The following RFX7 variants were observed in gnomAD, a reference collection of about 807,000 sequenced individuals.
RFX7 encodes the protein DNA-binding protein RFX7.
In RFX7, 26 loss-of-function variants were observed where a neutral mutation model predicts 111.8. That is an observed-to-expected ratio of 0.23 (90% CI 0.17 to 0.32). The LOEUF (loss-of-function observed/expected upper bound fraction) is 0.32. Ranked by LOEUF, RFX7 falls within the 10% of genes least tolerant of loss-of-function variation. RFX7 has a pLI of 1.00. For synonymous variants in RFX7, 624 were observed against 624.4 expected, an observed-to-expected ratio of 1.00 and a Z score of 0.01; for missense variants, 1,573 against 1,772.9, an observed-to-expected ratio of 0.89 and a Z score of 2.02.
At chr15:56,212,909 T>A (rs1456338823) in intron 2 of RFX7, among the ~76,000 whole-genome samples, 1 of 152,048 alleles carries the variant, frequency 6.6e-6, no homozygotes, top group African/African-American at 2.4e-5. Flanking sequence ...AAACAACACA[T>A]GAAAAGATAT....
intron 2 of RFX7, among the ~76,000 whole-genome samples, chr15:56,224,589 C>T (rs763177646): frequency 7.9e-5 from 12 of 151,716 alleles, no homozygotes; most frequent in African/African-American, 1.9e-4. Flanking sequence ...TACATGAAGT[C>T]GTTAAACATT....
At chr15:56,143,769 T>C (rs2042433018) in intron 4 of RFX7, among the ~76,000 whole-genome samples, 1 of 152,206 alleles carries the variant, frequency 6.6e-6, no homozygotes, top group South Asian at 2.1e-4. Context: ...GCATTTCATT[T>C]ATTTCTATAT....
At chr15:56,188,225 G>A (rs2043062395) in intron 2 of RFX7, among the ~76,000 whole-genome samples, 1 of 152,224 alleles carries the variant, frequency 6.6e-6, no homozygotes, top group African/African-American at 2.4e-5. Context: ...CAGAAAAAGG[G>A]TCACTTAACT....
intron 5 of RFX7, among the ~76,000 whole-genome samples, chr15:56,119,493 C>T (rs2042048037): frequency 1.3e-5 from 2 of 152,024 alleles, no homozygotes. Context: ...AATGAGTTCA[C>T]TGGCTGGGTG....
At chr15:56,104,874 G>C (rs2041809409) in intron 5 of RFX7, among the ~76,000 whole-genome samples, 2 of 152,114 alleles carry the variant, frequency 1.3e-5, no homozygotes, top group East Asian at 3.8e-4. Context: ...GAACTAATGC[G>C]TACTGAAAGT....
At chr15:56,168,029 T>C (rs2042803164) in intron 3 of RFX7, among the ~76,000 whole-genome samples, 1 of 152,232 alleles carries the variant, frequency 6.6e-6, no homozygotes, top group Admixed American at 6.5e-5. Flanking sequence ...TCAGAAAATC[T>C]GTAAAGCATG....
intron 3 of RFX7, chr15:56,160,679 T>C (rs1761361007): frequency 6.6e-6 from 1 of 152,116 alleles, no homozygotes; most frequent in Non-Finnish European, 1.5e-5. Flanking sequence ...AAGCTTATTC[T>C]GTTGCCTCTT....
chr15:56,196,909 C>T (rs2043150852), intron 2 of RFX7, among the ~76,000 whole-genome samples: 1 of 152,060 alleles, frequency 6.6e-6, no homozygotes, highest in African/African-American at 2.4e-5. Flanking sequence ...TTTTCTTGGA[C>T]ACATACACAA....
At chr15:56,146,379 T>A (rs2042471817) in intron 3 of RFX7, among the ~76,000 whole-genome samples, 1 of 152,148 alleles carries the variant, frequency 6.6e-6, no homozygotes, top group Non-Finnish European at 1.5e-5. Flanking sequence ...GGATGCTAGG[T>A]ATGAACTACT....
chr15:56,114,422 A>C (rs11852583), intron 5 of RFX7, among the ~76,000 whole-genome samples: 25,042 of 150,630 alleles, frequency 0.17, 2,752 homozygotes, highest in Middle Eastern at 0.24. Flanking sequence ...AAAAAAAAAA[A>C]AAAAACAAAC....
intron 5 of RFX7, among the ~76,000 whole-genome samples, chr15:56,124,765 G>T (rs1010282253): frequency 6.6e-6 from 1 of 152,174 alleles, no homozygotes. Flanking sequence ...TTAATCTCCT[G>T]TTTAGATGAA....
At chr15:56,232,308 C>A (rs1304872945) in intron 2 of RFX7, among the ~76,000 whole-genome samples, 1 of 152,192 alleles carries the variant, frequency 6.6e-6, no homozygotes, top group Non-Finnish European at 1.5e-5. Flanking sequence ...TTCCATACAT[C>A]CTCTGAAATC....
intron 2 of RFX7, among the ~76,000 whole-genome samples, chr15:56,240,986 C>A (rs992723365): frequency 6.6e-6 from 1 of 151,948 alleles, no homozygotes; most frequent in African/African-American, 2.4e-5. Context: ...GGGTATGACA[C>A]TATTAAGTAT....
At chr15:56,142,745 A>C in intron 5 of RFX7, 33 bp downstream of exon 5, 1 of 1,595,836 alleles carries the variant, frequency 6.3e-7, no homozygotes, top group African/African-American at 1.3e-5. Flanking sequence ...CCTCTTTAAT[A>C]TATCAGCATG....
intron 5 of RFX7, among the ~76,000 whole-genome samples, chr15:56,141,347 C>G (rs2042390140): frequency 6.6e-6 from 1 of 151,820 alleles, no homozygotes; most frequent in Admixed American, 6.6e-5. Context: ...GCCTAGGTGA[C>G]AAGAGTTAAA....
chr15:56,114,808 C>T (rs2041987914), intron 5 of RFX7, among the ~76,000 whole-genome samples: 1 of 151,976 alleles, frequency 6.6e-6, no homozygotes. Context: ...CATGGTGAAT[C>T]ATGATTCACA....
rs773984335 is a variant in RFX7, at chr15:56,103,603, C to T, written c.469G>A (p.Val157Ile). ...AADFGKIMKNVFPNMKARRLG... is the reference protein window; with the variant it reads ...AADFGKIMKNIFPNMKARRLG... ...CGACGTGCCTTCATGTTTGGAAAGA[C>T]GTTTTTCATGATCTTTCCAAAATCA... The change falls in exon 6 of 10, where the codon GTC (valine) becomes ATC (isoleucine). Residue 157 changes from valine (V) to isoleucine (I), a missense_variant. Physicochemically the swap from Val to Ile is conservative, Grantham distance 29 (BLOSUM62 3). This residue lies in a region of RFX7 where 191 missense variants were observed against 194.2 expected (regional missense o/e 0.98). Coordinates refer to ENST00000559447, the MANE Select transcript of RFX7 (RefSeq NM_022841.7). 3.4e-5 allele frequency: 55 copies of T among 1,607,272 alleles called. No homozygotes were observed. The East Asian group carries it at 4.7e-4, about 14-fold the overall frequency.
intron 2 of RFX7, among the ~76,000 whole-genome samples, chr15:56,223,050 T>C (rs1329901656): frequency 1.3e-5 from 2 of 152,216 alleles, no homozygotes; most frequent in Admixed American, 6.5e-5. Flanking sequence ...CTTTATGCTA[T>C]AGACATCCTG....
intron 2 of RFX7, 83 bp downstream of exon 2, chr15:56,243,042 T>TGCC: frequency 1.8e-5 from 10 of 543,104 alleles, no homozygotes; most frequent in Non-Finnish European, 3.0e-5. Flanking sequence ...CCTCCTCCGC[T>TGCC]CCCCCCGCCC....
Sources: gnomAD v4.1 joint callset for allele counts (sites outside exome capture counted in the v4.1 genomes callset) on GRCh38, gnomAD v4.1.1 for gene constraint, gnomAD v4.1.1 regional missense constraint, MANE v1.5 for transcripts, NCBI Gene and HGNC (gene_info 2026-07-23, HGNC 2026-07-21) for gene names.